FGF14: variants seen among roughly 807,000 people sequenced by gnomAD.
The protein encoded by FGF14 is fibroblast growth factor 14.
Under a neutral mutation model 25.5 loss-of-function variants are expected in FGF14, and 5 were observed. The observed-to-expected ratio is 0.20, with a 90% CI of 0.10 to 0.41. The LOEUF is 0.41. Among genes scored for constraint, FGF14 ranks in the 10% least tolerant of loss-of-function variants. FGF14 has a pLI of 1.00. For synonymous variants in FGF14, 138 were observed against 118.3 expected, an observed-to-expected ratio of 1.17 and a Z score of -1.08; for missense variants, 222 against 320.1, an observed-to-expected ratio of 0.69 and a Z score of 2.34.
chr13:102,232,699 T>C (rs2051139636), intron 1 of FGF14, among the ~76,000 whole-genome samples: 1 of 152,206 alleles, frequency 6.6e-6, no homozygotes, highest in African/African-American at 2.4e-5. Context: ...GACACAAAAA[T>C]AAACACGATG....
intron 1 of FGF14, among the ~76,000 whole-genome samples, chr13:102,066,428 A>C (rs2042906543): frequency 6.6e-6 from 1 of 152,204 alleles, no homozygotes; most frequent in Non-Finnish European, 1.5e-5. Context: ...GAACCAGTTA[A>C]ATTACCTTAT....
At chr13:101,750,987 G>A (rs1321275562) in intron 3 of FGF14, among the ~76,000 whole-genome samples, 1 of 152,032 alleles carries the variant, frequency 6.6e-6, no homozygotes, top group Non-Finnish European at 1.5e-5. Flanking sequence ...AAGGCAGAAC[G>A]GAGACAGTAA....
intron 1 of FGF14, among the ~76,000 whole-genome samples, chr13:102,390,627 CT>C (rs1215139768): frequency 1.3e-5 from 2 of 152,094 alleles, no homozygotes; most frequent in Non-Finnish European, 2.9e-5. Context: ...CATGCTTGGG[CT>C]TCATAATTTT....
At chr13:102,205,458 G>A (rs1419359842) in intron 1 of FGF14, among the ~76,000 whole-genome samples, 1 of 151,938 alleles carries the variant, frequency 6.6e-6, no homozygotes, top group Non-Finnish European at 1.5e-5. Context: ...AGTACTGTAG[G>A]TATTGTGTGT....
intron 1 of FGF14, among the ~76,000 whole-genome samples, chr13:102,329,413 C>T (rs568364304): frequency 6.2e-4 from 94 of 152,308 alleles, no homozygotes; most frequent in African/African-American, 2.1e-3. Context: ...AGACCTATAG[C>T]TCTTCTGCAC....
intron 1 of FGF14, among the ~76,000 whole-genome samples, chr13:102,283,331 A>C (rs1006947147): frequency 1.3e-5 from 2 of 152,170 alleles, no homozygotes; most frequent in African/African-American, 4.8e-5. Context: ...AACCTCTTTT[A>C]TTACTTTAAA....
At position 102,000,176 on chromosome 13, in the gene FGF14, G is replaced by A. The variant is rs183463016; in HGVS notation, c.209-124880C>T. 1.3e-3 allele frequency among the ~76,000 whole-genome samples: 193 copies of A among 152,102 alleles called. 3 individuals are homozygous for A. Among genetic ancestry groups the A allele is most frequent in the Middle Eastern group, 3.4e-3 (1 of 294 alleles). ...TAAAAAATACAAAAAAAAATTAGCC[G>A]GGCCTGGTGGCGGGCACCTGTAATC... On this transcript the variant is annotated intron_variant, in intron 1 of 4. Transcript: ENST00000376131.
intron 3 of FGF14, among the ~76,000 whole-genome samples, chr13:101,795,037 T>C (rs560874462): frequency 6.6e-6 from 1 of 152,274 alleles, no homozygotes; most frequent in Admixed American, 6.5e-5. Flanking sequence ...TACATTATTG[T>C]GTGCAAATTA....
intron 1 of FGF14, among the ~76,000 whole-genome samples, chr13:102,342,571 C>T (rs1450973121): frequency 2.6e-5 from 4 of 152,122 alleles, no homozygotes; most frequent in Admixed American, 1.3e-4. Context: ...ACATATAATA[C>T]TGAACATACT....
At chr13:102,340,445 A>G (rs1594894840) in intron 1 of FGF14, among the ~76,000 whole-genome samples, 1 of 150,138 alleles carries the variant, frequency 6.7e-6, no homozygotes, top group Admixed American at 6.6e-5. Flanking sequence ...ACACATACAC[A>G]CACACACACA....
chr13:101,860,384 T>C (rs1047583664), intron 3 of FGF14, among the ~76,000 whole-genome samples: 2 of 152,024 alleles, frequency 1.3e-5, no homozygotes, highest in African/African-American at 4.8e-5. Flanking sequence ...GTGAGCTCTA[T>C]GTATGGTCAT....
At chr13:102,096,824 G>A (rs142064339) in intron 1 of FGF14, among the ~76,000 whole-genome samples, 1 of 152,212 alleles carries the variant, frequency 6.6e-6, no homozygotes, top group African/African-American at 2.4e-5. Flanking sequence ...AAGAAACTGG[G>A]CCATATATAA....
intron 1 of FGF14, among the ~76,000 whole-genome samples, chr13:101,877,255 A>C (rs2045451706): frequency 3.9e-5 from 6 of 152,154 alleles, no homozygotes; most frequent in Admixed American, 3.9e-4. Context: ...TTCTCCTTTA[A>C]CTTCGAGAAA....
At chr13:101,921,682 G>A (rs1241933938), upstream of FGF14, among the ~76,000 whole-genome samples, 3 of 152,112 alleles carry the variant, frequency 2.0e-5, no homozygotes, top group Non-Finnish European at 2.9e-5. Context: ...GCCTGCCATG[G>A]CTCATGTGAT....
Position 101,725,912 on chromosome 13 carries a change from T to G in FGF14, c.607+700A>C, listed in dbSNP as rs140463985. On this transcript the variant is annotated intron_variant, in intron 4 of 4. Transcript: ENST00000376143. ...ATGTTGTTGATTAATTAAAAAAACT[T>G]TGTAGCCTGCTCTTTGGGTATCTGA... 1.2e-4 allele frequency among the ~76,000 whole-genome samples: 18 copies of G among 152,212 alleles called. No homozygotes were observed. In the East Asian group the frequency reaches 3.5e-3, roughly 29 times the overall value.
At chr13:101,981,187 G>A (rs2038237903) in intron 1 of FGF14, among the ~76,000 whole-genome samples, 1 of 151,776 alleles carries the variant, frequency 6.6e-6, no homozygotes, top group African/African-American at 2.4e-5. Context: ...GGCTGAGACA[G>A]AAGAATCCCT....
chr13:101,725,634 AAT>A (rs2035369788), intron 4 of FGF14, among the ~76,000 whole-genome samples: 1 of 152,126 alleles, frequency 6.6e-6, no homozygotes, highest in Non-Finnish European at 1.5e-5. Context: ...TTATGAAAAC[AAT>A]ATGCATTTTC....
At chr13:102,088,668 A>G (rs1250033346) in intron 1 of FGF14, among the ~76,000 whole-genome samples, 1 of 152,174 alleles carries the variant, frequency 6.6e-6, no homozygotes, top group African/African-American at 2.4e-5. Flanking sequence ...CTGGAAAAAT[A>G]TATAGATTTA....
chr13:102,025,122 T>C (rs939138317), intron 1 of FGF14, among the ~76,000 whole-genome samples: 2 of 151,802 alleles, frequency 1.3e-5, no homozygotes, highest in African/African-American at 2.4e-5. Flanking sequence ...GATCTGGGAA[T>C]GTGAATCCTC....
Sources: gnomAD v4.1 joint callset for allele counts (sites outside exome capture counted in the v4.1 genomes callset) on GRCh38, gnomAD v4.1.1 for gene constraint, MANE v1.5 for transcripts, NCBI Gene and HGNC (gene_info 2026-07-23, HGNC 2026-07-21) for gene names.